NRDC: variants seen among roughly 807,000 people sequenced by gnomAD.
NRDC encodes nardilysin convertase.
A neutral mutation model predicts 147.1 loss-of-function variants in NRDC; 54 were observed. The observed-to-expected ratio is 0.37, with a 90% CI of 0.29 to 0.46. NRDC has a LOEUF of 0.46. Ranked by LOEUF, NRDC falls within the 20% of genes least tolerant of loss-of-function variation. The pLI, the probability that NRDC is intolerant of heterozygous loss-of-function variation, is 1.00. For synonymous variants in NRDC, 440 were observed against 482.1 expected (o/e 0.91, Z 1.14); for missense variants, 1,082 against 1,370.6 (o/e 0.79, Z 3.33).
chr1:51,837,075 C>T (rs1681020087), intron 2 of NRDC, among the ~76,000 whole-genome samples: 2 of 151,670 alleles, frequency 1.3e-5, no homozygotes, highest in African/African-American at 4.8e-5. Context: ...AGCCACTGCA[C>T]CCGAACTATT....
chr1:51,839,470 A>C (rs1006267441), intron 2 of NRDC, among the ~76,000 whole-genome samples: 2 of 152,174 alleles, frequency 1.3e-5, no homozygotes, highest in East Asian at 1.9e-4. Context: ...ATATTCAAGA[A>C]ACTAGCTTTA....
intron 1 of NRDC, among the ~76,000 whole-genome samples, chr1:51,854,057 T>C (rs537762952): frequency 2.9e-4 from 44 of 152,188 alleles, no homozygotes; most frequent in Admixed American, 4.6e-4. Flanking sequence ...CATGGATACC[T>C]TGAATTCCGT....
At chr1:51,837,444 C>A (rs780674062) in intron 2 of NRDC, 1 of 1,449,756 alleles carries the variant, frequency 6.9e-7, no homozygotes, top group South Asian at 1.6e-5. Flanking sequence ...GTTCTTCAAA[C>A]CACAATCTAA....
chr1:51,829,171 C>G (rs1402411459), intron 4 of NRDC, among the ~76,000 whole-genome samples: 2 of 152,122 alleles, frequency 1.3e-5, no homozygotes, highest in African/African-American at 4.8e-5. Context: ...TCAGGTGATC[C>G]TCCCACCTCA....
At chr1:51,853,916 A>G (rs952697053) in intron 1 of NRDC, among the ~76,000 whole-genome samples, 1 of 152,224 alleles carries the variant, frequency 6.6e-6, no homozygotes, top group Non-Finnish European at 1.5e-5. Flanking sequence ...CTGGATTGCT[A>G]AAGTTATGCA....
At chr1:51,842,812 T>G (rs369706725) in intron 1 of NRDC, among the ~76,000 whole-genome samples, 1 of 151,730 alleles carries the variant, frequency 6.6e-6, no homozygotes, top group East Asian at 1.9e-4. Flanking sequence ...GCGCCTATAA[T>G]CCCCGCACTT....
At chr1:51,799,711 G>A (rs12041812) in intron 21 of NRDC, among the ~76,000 whole-genome samples, 12 of 152,218 alleles carry the variant, frequency 7.9e-5, no homozygotes, top group African/African-American at 2.4e-4. Flanking sequence ...TCTGATTCAC[G>A]CAAAAGTATC....
intron 17 of NRDC, among the ~76,000 whole-genome samples, chr1:51,808,788 C>G (rs1041378301): frequency 6.6e-6 from 1 of 152,180 alleles, no homozygotes; most frequent in African/African-American, 2.4e-5. Flanking sequence ...CCACTGCAAG[C>G]TAGTAGACAG....
At position 51,816,317 on chromosome 1, in the gene NRDC, C is replaced by T. The variant is rs1340256153; in HGVS notation, c.1434G>A (p.Arg478=). 1.9e-6 allele frequency: 3 copies of T among 1,590,556 alleles called. No individual in the cohort carries two copies. Among genetic ancestry groups the T allele is most frequent in the Admixed American group, 1.8e-5 (1 of 56,968 alleles). ...EGKGSILSFL[R]KKCWALALFG... The stretch of plus-strand genomic sequence containing the variant: ...CTTATTAATTGAATACTTGCTTTTT[C>T]CTAAGGAAAGAAAGAATGCTGCCTT... Residue 478 remains arginine, a synonymous_variant, in exon 11 of 31, where the codon AGG becomes AGA. Transcript: ENST00000352171.
At chr1:51,863,013 G>GGAAAAAAAA (rs1553219028) in intron 1 of NRDC, among the ~76,000 whole-genome samples, 1 of 32,054 alleles carries the variant, frequency 3.1e-5, no homozygotes, top group African/African-American at 1.5e-4. Flanking sequence ...CTGTGTGGAG[G>GGAAAAAAAA]AAAAAAAAAA....
At chr1:51,844,961 T>C (rs924163985) in intron 1 of NRDC, among the ~76,000 whole-genome samples, 2 of 152,220 alleles carry the variant, frequency 1.3e-5, no homozygotes, top group Admixed American at 1.3e-4. Flanking sequence ...CTGTCTTTGA[T>C]ATTTTGTTAT....
At chr1:51,858,084 A>C (rs1272639294) in intron 1 of NRDC, among the ~76,000 whole-genome samples, 3 of 152,202 alleles carry the variant, frequency 2.0e-5, no homozygotes, top group Admixed American at 2.0e-4. Context: ...CACAGCACTT[A>C]AAAATGAGGG....
At chr1:51,814,429 G>T in intron 13 of NRDC, 122 bp downstream of exon 13, 1 of 879,380 alleles carries the variant, frequency 1.1e-6, no homozygotes. Flanking sequence ...GTCAATAAAG[G>T]AAATAGAGCA....
intron 25 of NRDC, 29 bp from the exon 26 acceptor site, chr1:51,792,127 CA>C: frequency 1.9e-6 from 3 of 1,613,084 alleles, no homozygotes; most frequent in Non-Finnish European, 2.5e-6. Flanking sequence ...CCCATCAGCC[CA>C]ACTCCTCCCA....
chr1:51,810,774 T>C (rs867607013), intron 15 of NRDC, among the ~76,000 whole-genome samples: 1 of 152,216 alleles, frequency 6.6e-6, no homozygotes, highest in African/African-American at 2.4e-5. Context: ...TCCTAAGATA[T>C]ACTTATTTAC....
chr1:51,873,466 T>C (rs1036871638), intron 1 of NRDC, among the ~76,000 whole-genome samples: 1 of 150,186 alleles, frequency 6.7e-6, no homozygotes, highest in African/African-American at 2.4e-5. Context: ...TTATTTTCTA[T>C]AATATATGGA....
chr1:51,791,131 G>A (rs576381386), intron 27 of NRDC, 141 bp from the exon 28 acceptor site: 9 of 637,460 alleles, frequency 1.4e-5, no homozygotes, highest in African/African-American at 1.1e-4. Flanking sequence ...TGTTTTCCCA[G>A]GCCTCAGTAT....
At chr1:51,862,554 C>T (rs1682595287) in intron 1 of NRDC, 1 of 151,886 alleles carries the variant, frequency 6.6e-6, no homozygotes, top group African/African-American at 2.4e-5. Flanking sequence ...GAGACCTCAT[C>T]TCTGCAAATA....
At chr1:51,858,378 C>T (rs936056539) in intron 1 of NRDC, among the ~76,000 whole-genome samples, 2 of 150,608 alleles carry the variant, frequency 1.3e-5, no homozygotes, top group Non-Finnish European at 2.9e-5. Context: ...ACTCAGGAGG[C>T]TGAGGTGGGA....
Sources: allele counts gnomAD v4.1 joint callset (sites outside exome capture counted in the v4.1 genomes callset), GRCh38; gene constraint gnomAD v4.1.1; transcripts MANE v1.5; gene names NCBI Gene and HGNC (gene_info 2026-07-23, HGNC 2026-07-21).